The following METTL9 variants were observed in gnomAD, a reference collection of about 807,000 sequenced individuals.
The protein encoded by METTL9 is protein-L-histidine N-pros-methyltransferase.
In METTL9, 10 loss-of-function variants were observed where a neutral mutation model predicts 36.0. The ratio of observed to expected loss-of-function variants is 0.28; its 90% CI spans 0.17 to 0.47. The LOEUF is 0.47. Ranked by LOEUF, METTL9 falls within the 20% of genes least tolerant of loss-of-function variation. The probability of loss-of-function intolerance (pLI) is 0.99; values close to 1 mark genes in which losing one functional copy is unlikely to be tolerated. For synonymous variants in METTL9, 175 were observed against 149.7 expected, an observed-to-expected ratio of 1.17 and a Z score of -1.23; for missense variants, 246 against 383.5, an observed-to-expected ratio of 0.64 and a Z score of 3.00.
chr16:21,599,972 G>T lies in METTL9; in HGVS notation c.165+74G>T, dbSNP rs1965067827. The T allele has an allele frequency of 5.9e-6, 7 of 1,187,896 alleles. No individual in the cohort carries two copies. The highest frequency in any genetic ancestry group is 3.5e-5 in the East Asian group (1 of 28,218). 73.6% of individuals were successfully genotyped at this position (1,187,896 alleles called of 1,614,324 possible). On this transcript the variant is annotated intron_variant, in intron 1 of 4. Transcript: ENST00000358154. This position sits in a 1 kb window ranked among gnomAD's most constrained non-coding sequence, Gnocchi z 4.4. ...CCCGCGCTGGGCCCGGCTATTGTGC[G>T]GGACGGCTCCGCGAGGGGGCGGCCC...
intron 3 of METTL9, among the ~76,000 whole-genome samples, chr16:21,620,300 G>T (rs1965663099): frequency 6.6e-6 from 1 of 152,148 alleles, no homozygotes; most frequent in Non-Finnish European, 1.5e-5. Flanking sequence ...ATAAGGTTCT[G>T]GTGGGTCTGC....
chr16:21,634,096 CA>C (rs1966027676), intron 4 of METTL9, among the ~76,000 whole-genome samples: 1 of 152,146 alleles, frequency 6.6e-6, no homozygotes, highest in Non-Finnish European at 1.5e-5. Context: ...TTTCCAATTA[CA>C]ACTGAGGAGG....
chr16:21,629,334 T>C (rs1965888227), intron 4 of METTL9, among the ~76,000 whole-genome samples: 1 of 152,272 alleles, frequency 6.6e-6, no homozygotes, highest in Admixed American at 6.5e-5. Flanking sequence ...ATGGGATGAA[T>C]GCCCTTTTAA....
intron 3 of METTL9, among the ~76,000 whole-genome samples, chr16:21,624,201 A>G: frequency 6.6e-6 from 1 of 152,226 alleles, no homozygotes; most frequent in East Asian, 1.9e-4. Context: ...ATTTTTAAGA[A>G]TAGAAGGGAT....
chr16:21,611,865 T>C (rs1034990799), intron 1 of METTL9, among the ~76,000 whole-genome samples: 1 of 152,198 alleles, frequency 6.6e-6, no homozygotes. Flanking sequence ...TTAAATTTCA[T>C]CTACAGGTGA....
chr16:21,623,261 G>A (rs1353031159), intron 3 of METTL9, among the ~76,000 whole-genome samples: 1 of 152,164 alleles, frequency 6.6e-6, no homozygotes, highest in Admixed American at 6.5e-5. Flanking sequence ...ATTTGGAAGA[G>A]GCTTTAGTTT....
chr16:21,651,649 G>A (rs374512219), intron 4 of METTL9, among the ~76,000 whole-genome samples: 11 of 152,056 alleles, frequency 7.2e-5, no homozygotes, highest in African/African-American at 9.7e-5. Context: ...TCAAAGTAGC[G>A]AAGTAGTACA....
intron 4 of METTL9, among the ~76,000 whole-genome samples, chr16:21,650,159 T>C (rs1966529805): frequency 6.6e-6 from 1 of 151,570 alleles, no homozygotes; most frequent in Non-Finnish European, 1.5e-5. Context: ...ATTAAAGGAA[T>C]AGAGTCTGGA....
chr16:21,609,782 A>G (rs950970994), intron 1 of METTL9, among the ~76,000 whole-genome samples: 1 of 152,186 alleles, frequency 6.6e-6, no homozygotes, highest in Non-Finnish European at 1.5e-5. Context: ...GCAGGGCCTT[A>G]TAAGCCATAT....
intron 4 of METTL9, among the ~76,000 whole-genome samples, chr16:21,625,478 C>T (rs1232565237): frequency 1.3e-5 from 2 of 152,172 alleles, no homozygotes; most frequent in African/African-American, 2.4e-5. Flanking sequence ...GTCGTATATA[C>T]TTGCTGAATG....
chr16:21,622,598 A>C (rs1375964767), intron 3 of METTL9, among the ~76,000 whole-genome samples: 1 of 152,244 alleles, frequency 6.6e-6, no homozygotes, highest in African/African-American at 2.4e-5. Context: ...TCCTGGGCTA[A>C]TACGCAGTTT....
At chr16:21,599,353 C>T (rs955855187), upstream of METTL9, 4 of 996,708 alleles carry the variant, frequency 4.0e-6, no homozygotes, top group Non-Finnish European at 4.8e-6. This position sits in a 1 kb window ranked among gnomAD's most constrained non-coding sequence, Gnocchi z 4.4. Flanking sequence ...CCGCCATTTA[C>T]TAGAGGCCAA....
chr16:21,612,675 G>A lies in METTL9; in HGVS notation c.196G>A (p.Glu66Lys), dbSNP rs771501450. Residue 66 changes from glutamate (E) to lysine (K), a missense_variant, in exon 2 of 5, where the codon GAA becomes AAA. Glu to Lys is a moderately conservative substitution (Grantham distance 56). Around this residue, in one of 2 missense-constraint regions of METTL9, gnomAD observed 146 missense variants for 302.1 expected, o/e 0.48. Coordinates refer to ENST00000358154, the MANE Select transcript of METTL9 (RefSeq NM_016025.5). ...TGTGTGCAACAGAGAGAAATTATGC[G>A]AATCACTCCAGGCTGTCTTTGTTCA... ...WYVCNREKLC[E>K]SLQAVFVQSY... is the part of the protein sequence containing the mutation. The A allele has an allele frequency of 1.4e-5, 22 of 1,550,772 alleles. No homozygotes were observed. The highest frequency in any genetic ancestry group is 1.9e-5 in the Non-Finnish European group (22 of 1,152,176).
At chr16:21,614,660 A>G (rs1296020211) in intron 2 of METTL9, among the ~76,000 whole-genome samples, 1 of 152,156 alleles carries the variant, frequency 6.6e-6, no homozygotes, top group African/African-American at 2.4e-5. Context: ...TCTCACAGAA[A>G]TCATTACTGT....
intron 3 of METTL9, among the ~76,000 whole-genome samples, chr16:21,622,580 G>C (rs1965731482): frequency 6.6e-6 from 1 of 152,180 alleles, no homozygotes; most frequent in South Asian, 2.1e-4. Flanking sequence ...CTGACAACTT[G>C]TTAGGATTCC....
intron 4 of METTL9, among the ~76,000 whole-genome samples, chr16:21,630,027 C>G (rs1429317693): frequency 6.6e-6 from 1 of 152,182 alleles, no homozygotes; most frequent in Non-Finnish European, 1.5e-5. Context: ...TAGCTAGACA[C>G]AGAGTGCTGA....
At chr16:21,602,942 A>T (rs1024724617) in intron 1 of METTL9, among the ~76,000 whole-genome samples, 6 of 152,014 alleles carry the variant, frequency 3.9e-5, no homozygotes, top group African/African-American at 1.5e-4. Flanking sequence ...TACAGGCGTG[A>T]GGTACTACAC....
In METTL9 at chr16:21,635,118, A is replaced by C. The variant is rs529575117; in HGVS notation, c.751+10003A>C. 3.3e-5 allele frequency among the ~76,000 whole-genome samples: 5 copies of C among 152,276 alleles called. No homozygotes were observed. In the South Asian group the frequency reaches 1.0e-3, roughly 32 times the overall value. ...GGGTTTGATCTAACAGTAGCATGAC[A>C]TCTCTCCAAGCGAGGTTGAAGGTTT... On this transcript the variant is annotated intron_variant, in intron 4 of 4. Coordinates refer to ENST00000358154, the MANE Select transcript of METTL9 (RefSeq NM_016025.5).
chr16:21,631,129 A>G (rs1259079389), intron 4 of METTL9, among the ~76,000 whole-genome samples: 1 of 152,130 alleles, frequency 6.6e-6, no homozygotes, highest in Non-Finnish European at 1.5e-5. Flanking sequence ...AAATCCTTTG[A>G]TAGTGTGTAA....
Sources: gnomAD v4.1 joint callset for allele counts (sites outside exome capture counted in the v4.1 genomes callset) on GRCh38, gnomAD v4.1.1 for gene constraint, gnomAD v4.1.1 regional missense constraint, Gnocchi (gnomAD v3.1) non-coding constraint, MANE v1.5 for transcripts, NCBI Gene and HGNC (gene_info 2026-07-23, HGNC 2026-07-21) for gene names.